Variants in MME observed in about 807,000 individuals in gnomAD.
MME encodes neprilysin.
A neutral mutation model predicts 113.2 loss-of-function variants in MME; 98 were observed. The ratio of observed to expected loss-of-function variants is 0.87; its 90% confidence interval spans 0.74 to 1.02. The LOEUF (loss-of-function observed/expected upper bound fraction) is 1.02, where lower values mean the gene tolerates loss of function less well. MME is among the 50% of genes least tolerant of loss of function. MME has a pLI of 0.00. For missense variants in MME, 836 were observed against 896.0 expected, an observed-to-expected ratio of 0.93 and a Z score of 0.86; for synonymous variants, 292 against 300.6, an observed-to-expected ratio of 0.97 and a Z score of 0.30.
intron 1 of MME, among the ~76,000 whole-genome samples, chr3:155,045,570 A>G (rs1713530686): frequency 6.7e-6 from 1 of 148,968 alleles, no homozygotes; most frequent in Admixed American, 6.7e-5. Flanking sequence ...TCTGTCACCC[A>G]GGCTGGTATC....
At chr3:155,179,589 G>A (rs1232184791) in intron 22 of MME, among the ~76,000 whole-genome samples, 2 of 152,134 alleles carry the variant, frequency 1.3e-5, no homozygotes, top group African/African-American at 4.8e-5. Context: ...AGCAAACGTG[G>A]TAGGCTGGCC....
intron 1 of MME, among the ~76,000 whole-genome samples, chr3:155,031,346 A>C (rs968835997): frequency 6.6e-6 from 1 of 152,106 alleles, no homozygotes; most frequent in Non-Finnish European, 1.5e-5. Flanking sequence ...ATTTAAATAC[A>C]TTTTCCCCTT....
intron 3 of MME, among the ~76,000 whole-genome samples, chr3:155,114,575 G>C (rs1718445937): frequency 6.6e-6 from 1 of 152,170 alleles, no homozygotes; most frequent in African/African-American, 2.4e-5. Context: ...GAGTCTCAGA[G>C]ACTTTCAAAA....
intron 1 of MME, among the ~76,000 whole-genome samples, chr3:155,033,905 G>C (rs1713052553): frequency 1.3e-5 from 2 of 152,112 alleles, no homozygotes; most frequent in Non-Finnish European, 2.9e-5. Context: ...GAATAAACTT[G>C]AGGCAATATA....
chr3:155,042,920 ATATATATATATATATATATG>A lies in MME; in HGVS notation c.-11+18616_-11+18635del, dbSNP rs1311083961. The stretch of plus-strand genomic sequence containing the variant: ...AGGTTTTATATATATATATATATAT[ATATATATATATATATATATG>A]TATATATATATATATATATCACATT... On this transcript the variant is annotated intron_variant, in intron 1 of 22. Transcript: ENST00000492661. Among the ~76,000 whole-genome samples, 339 of 59,902 alleles carry A rather than the reference ATATATATATATATATATATG, an allele frequency of 5.7e-3. 5 individuals carry two copies. Among genetic ancestry groups the A allele is most frequent in the African/African-American group, 0.018 (242 of 13,612 alleles). 39.3% of individuals were successfully genotyped at this position (59,902 alleles called of 152,430 possible).
intron 3 of MME, among the ~76,000 whole-genome samples, chr3:155,102,397 C>T (rs1333014216): frequency 6.6e-6 from 1 of 152,094 alleles, no homozygotes; most frequent in Non-Finnish European, 1.5e-5. Context: ...TTGAAATACC[C>T]TTTGAGTCAT....
intron 12 of MME, 100 bp from the exon 13 acceptor site, chr3:155,143,343 A>AT (rs1280529168): frequency 2.0e-5 from 27 of 1,381,282 alleles, no homozygotes; most frequent in Non-Finnish European, 2.7e-5. Context: ...AGTGATGAAT[A>AT]TTTCAAGAAC....
Position 155,127,259 on chromosome 3 carries a change from C to A in MME, c.720+8448C>A, listed in dbSNP as rs1719761657. 2.0e-5 allele frequency among the ~76,000 whole-genome samples: 3 copies of A among 152,154 alleles called. No homozygotes were observed. In the South Asian group the frequency reaches 6.2e-4, roughly 31 times the overall value. On this transcript the variant is annotated intron_variant, in intron 8 of 22. Coordinates refer to ENST00000360490, the MANE Select transcript of MME (RefSeq NM_007289.4). The stretch of plus-strand genomic sequence containing the variant: ...CAGGCCATCCAGATGAGGCAGGAAG[C>A]TCTGCTCCATGGGAATGTCTGGGAG...
At chr3:155,144,543 A>C in intron 14 of MME, 86 bp downstream of exon 14, 1 of 842,682 alleles carries the variant, frequency 1.2e-6, no homozygotes, top group Non-Finnish European at 2.0e-6. Flanking sequence ...AAAAAATATA[A>C]TCAAAGATTG....
At chr3:155,082,632 A>T (rs901710896) in intron 1 of MME, among the ~76,000 whole-genome samples, 25 of 152,356 alleles carry the variant, frequency 1.6e-4, no homozygotes, top group African/African-American at 5.8e-4. Context: ...TTTATTTAGC[A>T]GACACGGTTT....
rs71624560 is a variant in MME, at chr3:155,173,572, GTCA to G, written c.2153+987_2153+989del. Among the ~76,000 whole-genome samples, 1,465 of 149,968 alleles carry G rather than the reference GTCA, an allele frequency of 9.8e-3. 25 individuals are homozygous for G. Among genetic ancestry groups the G allele is most frequent in the African/African-American group, 0.033 (1,329 of 40,800 alleles). On this transcript the variant is annotated intron_variant, in intron 22 of 22. Transcript: ENST00000360490. ...TATTCAGCTTGCTAGTATCATCGTTGTCATCATCATCATCATCATCATCATCAT... is the reference window on the plus strand; with the variant it reads ...TATTCAGCTTGCTAGTATCATCGTTGTCATCATCATCATCATCATCATCAT...
intron 11 of MME, 28 bp from the exon 12 acceptor site, chr3:155,142,209 T>C (rs1411883386): frequency 1.2e-6 from 2 of 1,612,696 alleles, no homozygotes; most frequent in Non-Finnish European, 1.7e-6. Context: ...ATCTTTTCTG[T>C]TGCTGGGCGG....
At chr3:155,033,643 A>G (rs1713042965) in intron 1 of MME, among the ~76,000 whole-genome samples, 1 of 152,190 alleles carries the variant, frequency 6.6e-6, no homozygotes, top group Non-Finnish European at 1.5e-5. Context: ...TTGGCTAAAC[A>G]TTGCTTCCTA....
intron 1 of MME, among the ~76,000 whole-genome samples, chr3:155,069,262 T>G (rs1318970918): frequency 1.3e-5 from 2 of 152,014 alleles, no homozygotes; most frequent in African/African-American, 2.4e-5. Flanking sequence ...AGTAGGCAAA[T>G]GGAGGACAAA....
At chr3:155,039,003 T>C (rs552095798) in intron 1 of MME, among the ~76,000 whole-genome samples, 12 of 152,230 alleles carry the variant, frequency 7.9e-5, no homozygotes, top group Non-Finnish European at 1.6e-4. Context: ...AACCTCATTG[T>C]ATGGCAACAA....
intron 16 of MME, among the ~76,000 whole-genome samples, chr3:155,157,651 T>C (rs1722414558): frequency 6.6e-6 from 1 of 152,156 alleles, no homozygotes; most frequent in African/African-American, 2.4e-5. Context: ...ATCACCTTAT[T>C]TAAGATGTAA....
chr3:155,071,194 A>G (rs1714540170), intron 1 of MME, among the ~76,000 whole-genome samples: 1 of 152,136 alleles, frequency 6.6e-6, no homozygotes, highest in Non-Finnish European at 1.5e-5. Context: ...CAGTAAAGGA[A>G]TTTTAGTGTG....
At chr3:155,129,767 T>C (rs1209735281) in intron 8 of MME, among the ~76,000 whole-genome samples, 1 of 152,180 alleles carries the variant, frequency 6.6e-6, no homozygotes, top group African/African-American at 2.4e-5. Flanking sequence ...GTAGGGAGAT[T>C]CAAGACAATT....
intron 1 of MME, among the ~76,000 whole-genome samples, chr3:155,057,705 T>C (rs1713983017): frequency 6.6e-6 from 1 of 151,706 alleles, no homozygotes; most frequent in Non-Finnish European, 1.5e-5. Context: ...TTTTTTTTTT[T>C]TCTAAATTGT....
Sources: allele counts gnomAD v4.1 joint callset (sites outside exome capture counted in the v4.1 genomes callset), GRCh38; gene constraint gnomAD v4.1.1; transcripts MANE v1.5; gene names NCBI Gene and HGNC (gene_info 2026-07-23, HGNC 2026-07-21).